The following CCDC91 variants were observed in gnomAD, a reference collection of about 807,000 sequenced individuals.
The protein encoded by CCDC91 is coiled-coil domain containing 91.
CCDC91 carries 48 observed loss-of-function variants against 63.2 expected under a neutral mutation model. The ratio of observed to expected loss-of-function variants is 0.76; its 90% CI spans 0.60 to 0.97. The LOEUF (loss-of-function observed/expected upper bound fraction) is 0.97. Among genes scored for constraint, CCDC91 ranks in the 50% least tolerant of loss-of-function variants. The pLI is 0.00. For missense variants in CCDC91, 500 were observed against 494.6 expected (o/e 1.01, Z -0.10); for synonymous variants, 167 against 165.8 (o/e 1.01, Z -0.06).
intron 3 of CCDC91, among the ~76,000 whole-genome samples, chr12:28,261,054 T>C (rs138541754): frequency 4.1e-4 from 63 of 152,134 alleles, no homozygotes; most frequent in African/African-American, 1.4e-3. Context: ...ACTCAGGTTT[T>C]TTGAAAAGAG....
intron 12 of CCDC91, among the ~76,000 whole-genome samples, chr12:28,517,041 A>G (rs1373575687): frequency 6.6e-6 from 1 of 151,964 alleles, no homozygotes. Flanking sequence ...CTATACATTC[A>G]GTAATTTTAT....
intron 3 of CCDC91, among the ~76,000 whole-genome samples, chr12:28,267,969 TTAA>T (rs1438075457): frequency 1.8e-5 from 2 of 112,874 alleles, no homozygotes; most frequent in Non-Finnish European, 3.4e-5. Context: ...TTATATATAA[TTAA>T]TATATACCCA....
intron 8 of CCDC91, among the ~76,000 whole-genome samples, chr12:28,423,775 T>A (rs991950437): frequency 2.0e-5 from 3 of 152,164 alleles, no homozygotes; most frequent in Non-Finnish European, 4.4e-5. Flanking sequence ...TAAAAACTAA[T>A]GTAATTTAAT....
intron 3 of CCDC91, among the ~76,000 whole-genome samples, chr12:28,269,029 C>A (rs892973466): frequency 4.6e-5 from 7 of 152,150 alleles, no homozygotes; most frequent in East Asian, 1.9e-4. Context: ...ATGAGACTTA[C>A]AGGACAAGTA....
intron 12 of CCDC91, among the ~76,000 whole-genome samples, chr12:28,504,421 A>G (rs2141191816): frequency 6.6e-6 from 1 of 152,072 alleles, no homozygotes; most frequent in Admixed American, 6.6e-5. Context: ...TGAAATGGGA[A>G]TTAACCAAGC....
At chr12:28,494,783 A>T (rs1400164957) in intron 12 of CCDC91, among the ~76,000 whole-genome samples, 1 of 151,772 alleles carries the variant, frequency 6.6e-6, no homozygotes, top group Non-Finnish European at 1.5e-5. Context: ...AGCATTTGCC[A>T]GATGAATAGT....
chr12:28,359,115 C>T (rs1483967656), intron 6 of CCDC91, among the ~76,000 whole-genome samples: 3 of 152,118 alleles, frequency 2.0e-5, no homozygotes, highest in African/African-American at 7.2e-5. Context: ...AGGCTGGTCT[C>T]GAACTCCTGA....
At chr12:28,439,744 T>G (rs981845118) in intron 8 of CCDC91, among the ~76,000 whole-genome samples, 8 of 151,002 alleles carry the variant, frequency 5.3e-5, no homozygotes, top group African/African-American at 1.9e-4. Flanking sequence ...TTTTTTTTTT[T>G]TTTTAACAGG....
At chr12:28,519,170 C>T (rs1352428269) in intron 12 of CCDC91, among the ~76,000 whole-genome samples, 5 of 151,866 alleles carry the variant, frequency 3.3e-5, no homozygotes, top group Admixed American at 1.3e-4. Flanking sequence ...TGATTCTGTC[C>T]ATCCATGCGC....
chr12:28,331,680 TTAGTAAGCATA>T (rs1941525549), intron 6 of CCDC91, among the ~76,000 whole-genome samples: 1 of 152,190 alleles, frequency 6.6e-6, no homozygotes. Flanking sequence ...ATATGCCTAT[TTAGTAAGCATA>T]TAGTAAGCAT....
At chr12:28,231,278 A>G (rs145180941) in intron 1 of CCDC91, among the ~76,000 whole-genome samples, 165 of 152,340 alleles carry the variant, frequency 1.1e-3, no homozygotes, top group African/African-American at 3.8e-3. Flanking sequence ...TAAATTTTTT[A>G]AATGGACTTT....
At chr12:28,372,602 A>G (rs1191477009) in intron 7 of CCDC91, among the ~76,000 whole-genome samples, 1 of 151,344 alleles carries the variant, frequency 6.6e-6, no homozygotes, top group Admixed American at 6.6e-5. Flanking sequence ...TTTTGTAGCT[A>G]TTGTAAATGG....
intron 12 of CCDC91, among the ~76,000 whole-genome samples, chr12:28,527,716 GA>G (rs1471036305): frequency 6.6e-6 from 1 of 152,194 alleles, no homozygotes; most frequent in Non-Finnish European, 1.5e-5. Context: ...AGGACCATTA[GA>G]TGGTGGCAGG....
At chr12:28,526,778 T>TC (rs987835958) in intron 12 of CCDC91, among the ~76,000 whole-genome samples, 7 of 152,092 alleles carry the variant, frequency 4.6e-5, no homozygotes, top group African/African-American at 1.7e-4. Flanking sequence ...ATCCCAGACT[T>TC]CTTGGAGTCT....
At chr12:28,330,526 T>C (rs929715356) in intron 6 of CCDC91, among the ~76,000 whole-genome samples, 3 of 152,004 alleles carry the variant, frequency 2.0e-5, no homozygotes, top group African/African-American at 7.3e-5. Context: ...GTTTGTCAGA[T>C]GGGTAGATTG....
At chr12:28,525,415 T>C (rs1941172451) in intron 12 of CCDC91, among the ~76,000 whole-genome samples, 1 of 152,168 alleles carries the variant, frequency 6.6e-6, no homozygotes. Flanking sequence ...GTTTTGAAGG[T>C]TCCTTTTGGA....
intron 8 of CCDC91, among the ~76,000 whole-genome samples, chr12:28,418,187 G>A (rs1947795281): frequency 6.6e-6 from 1 of 152,100 alleles, no homozygotes; most frequent in South Asian, 2.1e-4. Flanking sequence ...AGCAATGTAT[G>A]TGTGTTCAGG....
chr12:28,430,110 C>A (rs1948551172), intron 8 of CCDC91, among the ~76,000 whole-genome samples: 1 of 151,732 alleles, frequency 6.6e-6, no homozygotes, highest in Non-Finnish European at 1.5e-5. Flanking sequence ...TATTTATTTT[C>A]ATTTTATGTT....
At chr12:28,224,542 C>T (rs1335644402) in intron 1 of CCDC91, among the ~76,000 whole-genome samples, 1 of 152,082 alleles carries the variant, frequency 6.6e-6, no homozygotes, top group Non-Finnish European at 1.5e-5. Flanking sequence ...TCTTCTTCCT[C>T]ATTTAGGCTT....
Sources: allele counts gnomAD v4.1 joint callset (sites outside exome capture counted in the v4.1 genomes callset), GRCh38; gene constraint gnomAD v4.1.1; transcripts MANE v1.5; gene names NCBI Gene and HGNC (gene_info 2026-07-23, HGNC 2026-07-21).